Variants in MDN1 observed in about 807,000 individuals in gnomAD.
MDN1 encodes midasin.
MDN1 carries 266 observed loss-of-function variants against 669.2 expected under a neutral mutation model. The ratio of observed to expected loss-of-function variants is 0.40; its 90% CI spans 0.36 to 0.44. MDN1 has a LOEUF of 0.44. Ranked by LOEUF, MDN1 falls within the 20% of genes least tolerant of loss-of-function variation. The probability of loss-of-function intolerance (pLI) is 1.00; values close to 1 mark genes in which losing one functional copy is unlikely to be tolerated. For missense variants in MDN1, 5,940 were observed against 6,754.0 expected, an observed-to-expected ratio of 0.88 and a Z score of 4.22; for synonymous variants, 2,385 against 2,457.1, an observed-to-expected ratio of 0.97 and a Z score of 0.87.
intron 24 of MDN1, among the ~76,000 whole-genome samples, chr6:89,750,002 T>C (rs1176253533): frequency 6.6e-6 from 1 of 152,216 alleles, no homozygotes; most frequent in African/African-American, 2.4e-5. Flanking sequence ...TGTGTAATCT[T>C]TCCCCTGCAG....
intron 95 of MDN1, 63 bp from the exon 96 acceptor site, chr6:89,650,910 A>G: frequency 7.3e-7 from 1 of 1,375,340 alleles, no homozygotes. Flanking sequence ...TCTTCTAGCA[A>G]GATGCAGGCT....
intron 15 of MDN1, among the ~76,000 whole-genome samples, chr6:89,766,381 A>G (rs538252369): frequency 2.0e-5 from 3 of 152,334 alleles, no homozygotes; most frequent in African/African-American, 7.2e-5. Context: ...ATTTCAATAC[A>G]TGAAAAGATG....
At chr6:89,776,574 G>A in intron 12 of MDN1, 26 bp downstream of exon 12, 1 of 1,554,250 alleles carries the variant, frequency 6.4e-7, no homozygotes, top group Non-Finnish European at 8.8e-7. Flanking sequence ...CCTTTCAACA[G>A]GGAAGTAAAA....
At chr6:89,688,459 G>C in intron 66 of MDN1, 114 bp downstream of exon 66, 1 of 918,076 alleles carries the variant, frequency 1.1e-6, no homozygotes, top group Non-Finnish European at 1.6e-6. Flanking sequence ...AGTTCTTTAA[G>C]CCTTTGTTTA....
rs539627479 is a variant in MDN1 at position 89,775,348 on chromosome 6, T to C, written c.1822-615A>G. ...ATTCTTCTTTCTCATGATTAACATA[T>C]GTATCATTTAAGTCCCTTTCAGTAG... On this transcript the variant is annotated intron_variant, in intron 12 of 101. Coordinates refer to ENST00000369393, the MANE Select transcript of MDN1 (RefSeq NM_014611.3). 4.6e-4 allele frequency among the ~76,000 whole-genome samples: 70 copies of C among 152,346 alleles called. 1 individual carries two copies. The South Asian group carries it at 0.014, about 31-fold the overall frequency.
intron 40 of MDN1, among the ~76,000 whole-genome samples, chr6:89,720,611 A>G (rs1451696655): frequency 1.3e-5 from 2 of 152,176 alleles, no homozygotes; most frequent in South Asian, 2.1e-4. Context: ...ACATACCACA[A>G]TGACCCAGCA....
chr6:89,727,223 C>T (rs1022622073), intron 37 of MDN1, among the ~76,000 whole-genome samples: 3 of 152,156 alleles, frequency 2.0e-5, no homozygotes, highest in Admixed American at 1.3e-4. Context: ...GGACCTGTTG[C>T]AGCCTGTGTC....
At position 89,806,991 on chromosome 6, in the gene MDN1, C is replaced by A. The variant is rs145627536; in HGVS notation, c.103-3437G>T. Among the ~76,000 whole-genome samples the A allele has an allele frequency of 7.2e-5, 11 of 152,190 alleles. No individual in the cohort carries two copies. The East Asian group carries it at 1.9e-3, about 27-fold the overall frequency. On this transcript the variant is annotated intron_variant, in intron 1 of 101. Coordinates refer to ENST00000369393, the MANE Select transcript of MDN1 (RefSeq NM_014611.3). ...TATAAAAATATAACTCATTTTTATA[C>A]ATTGACCTGGTATCCTGTGATCTTA...
chr6:89,715,775 G>C lies in MDN1; in HGVS notation c.6744-6C>G. The C allele has an allele frequency of 6.3e-7, 1 of 1,581,826 alleles. No homozygotes were observed. The highest frequency in any genetic ancestry group is 1.3e-5 in the African/African-American group (1 of 74,350). On this transcript the variant is annotated splice_polypyrimidine_tract_variant and splice_region_variant and intron_variant, in intron 44 of 101. Coordinates refer to ENST00000369393, the MANE Select transcript of MDN1 (RefSeq NM_014611.3). ...AACGATCCAACACTGATGGGCTGCA[G>C]AGACAGAATTCAGATGGTGGATAGG...
In MDN1 at chr6:89,776,691, A is replaced by C; in HGVS notation, c.1730T>G (p.Leu577Arg). 1 of 1,587,206 alleles carries C rather than the reference A, an allele frequency of 6.3e-7. No individual in the cohort carries two copies. The highest frequency in any genetic ancestry group is 8.6e-7 in the Non-Finnish European group (1 of 1,167,026). ...SASLNIFQEA[L>R]DCFTAMLSEH... ...AGAAAGCATTGCTGTGAAACAGTCT[A>C]GAGCCTATTAAAATAACCAAGGTAA... is the stretch of plus-strand genomic sequence containing the variant. The change falls in exon 12 of 102, where the codon CTA becomes CGA. Residue 577 changes from leucine (L) to arginine (R), a missense_variant. Coordinates refer to ENST00000369393, the MANE Select transcript of MDN1 (RefSeq NM_014611.3).
chr6:89,782,970 T>C (rs895119362), intron 9 of MDN1, among the ~76,000 whole-genome samples: 1 of 152,214 alleles, frequency 6.6e-6, no homozygotes, highest in African/African-American at 2.4e-5. Context: ...CTTCATAAGC[T>C]GAGGATGTAC....
intron 38 of MDN1, among the ~76,000 whole-genome samples, chr6:89,723,845 T>C (rs991328690): frequency 3.3e-5 from 5 of 152,060 alleles, no homozygotes; most frequent in African/African-American, 1.2e-4. Context: ...TCTATTCTAG[T>C]GAATTAAAGA....
intron 73 of MDN1, among the ~76,000 whole-genome samples, chr6:89,682,691 C>T (rs1200976859): frequency 3.4e-5 from 3 of 87,456 alleles, no homozygotes; most frequent in African/African-American, 1.3e-4. Flanking sequence ...CTGAGCGAGA[C>T]TCTGTCTTAA....
In MDN1 at chr6:89,696,120, T is replaced by A. The variant is rs79319784; in HGVS notation, c.9384-128A>T. On this transcript the variant is annotated intron_variant, in intron 60 of 101. Transcript: ENST00000369393. ...GCATCAATATGTAGAGGTGAATTTC[T>A]GTTCTCACATGGTCTTATTTGGTTT... 1.5e-3 allele frequency: 1,939 copies of A among 1,309,534 alleles called. 32 individuals carry two copies. The African/African-American group carries it at 0.026, about 17-fold the overall frequency. 81.1% of individuals were successfully genotyped at this position (1,309,534 alleles called of 1,614,324 possible). A position where few individuals can be genotyped will look rare whatever the true frequency, so the allele number is the denominator to read the frequency against.
At chr6:89,647,686 C>T (rs927928894) in intron 99 of MDN1, among the ~76,000 whole-genome samples, 1 of 152,052 alleles carries the variant, frequency 6.6e-6, no homozygotes, top group African/African-American at 2.4e-5. Flanking sequence ...GGTTCTCAGC[C>T]CAGCATGGTG....
rs1490593693 is a variant in MDN1 at position 89,696,388 on chromosome 6, T to C, written c.9355A>G (p.Met3119Val). 6.2e-7 allele frequency: 1 copy of C among 1,614,020 alleles called. No homozygotes were observed. Among genetic ancestry groups the C allele is most frequent in the East Asian group, 2.2e-5 (1 of 44,876 alleles). ...QDISSMLWTN[M>V]AISSVAEFRR... ...AATTCTGCTACTGAAGAGATAGCCA[T>C]GTTAGTCCAAAGCATCGAACTGATG... The change falls in exon 60 of 102, where the codon ATG becomes GTG. Residue 3119 changes from methionine (M) to valine (V), a missense_variant. This residue lies in a region of MDN1 where 2,292 missense variants were observed against 2,638.3 expected (regional missense o/e 0.87). Coordinates refer to ENST00000369393, the MANE Select transcript of MDN1 (RefSeq NM_014611.3).
chr6:89,725,531 C>G, intron 37 of MDN1, 135 bp from the exon 38 acceptor site: 1 of 795,708 alleles, frequency 1.3e-6, no homozygotes, highest in Non-Finnish European at 2.0e-6. Context: ...TGATAACCTT[C>G]TGTATTTTTG....
intron 96 of MDN1, 108 bp from the exon 97 acceptor site, chr6:89,650,306 A>G: frequency 2.0e-6 from 2 of 1,002,408 alleles, no homozygotes; most frequent in Non-Finnish European, 2.9e-6. Context: ...GCAAGTAACT[A>G]GGAACCTGGC....
chr6:89,712,816 G>A lies in MDN1; in HGVS notation c.7219-30C>T, dbSNP rs367702808. ...TAGGAGACAAAAACACAATACAGTG[G>A]TACCAACATAAAAGTGATATTCCCC... is the stretch of plus-strand genomic sequence containing the variant. On this transcript the variant is annotated intron_variant, in intron 47 of 101. Transcript: ENST00000369393. The A allele has an allele frequency of 5.5e-4, 874 of 1,592,282 alleles. 1 individual carries two copies. The highest frequency in any genetic ancestry group is 6.9e-4 in the Non-Finnish European group (797 of 1,160,852).
Sources: gnomAD v4.1 joint callset for allele counts (sites outside exome capture counted in the v4.1 genomes callset) on GRCh38, gnomAD v4.1.1 for gene constraint, gnomAD v4.1.1 regional missense constraint, MANE v1.5 for transcripts, NCBI Gene and HGNC (gene_info 2026-07-23, HGNC 2026-07-21) for gene names.